DIS3L2: variants seen among roughly 807,000 people sequenced by gnomAD.
DIS3L2 encodes the protein DIS3-like exonuclease 2.
In DIS3L2, 34 loss-of-function variants were observed where a neutral mutation model predicts 97.5. That is an observed-to-expected ratio of 0.35 (90% CI 0.27 to 0.46). The LOEUF is 0.46. Ranked by LOEUF, DIS3L2 falls within the 20% of genes least tolerant of loss-of-function variation. The pLI, the probability that DIS3L2 is intolerant of heterozygous loss-of-function variation, is 1.00. For missense variants in DIS3L2, 1,038 were observed against 1,146.0 expected, an observed-to-expected ratio of 0.91 and a Z score of 1.36; for synonymous variants, 435 against 445.2, an observed-to-expected ratio of 0.98 and a Z score of 0.29.
intron 1 of DIS3L2, among the ~76,000 whole-genome samples, chr2:231,977,742 A>T (rs569863950): frequency 4.9e-4 from 75 of 152,400 alleles, no homozygotes; most frequent in African/African-American, 1.5e-3. Flanking sequence ...TCTCAAAGGA[A>T]TTGAAAGCTG....
chr2:231,971,694 C>T (rs1489353543), intron 1 of DIS3L2, among the ~76,000 whole-genome samples: 5 of 152,002 alleles, frequency 3.3e-5, no homozygotes, highest in Non-Finnish European at 7.4e-5. Flanking sequence ...GATCCGCCTG[C>T]CTTGGCCTCC....
intron 8 of DIS3L2, among the ~76,000 whole-genome samples, chr2:232,155,372 C>T (rs1014274355): frequency 2.0e-5 from 3 of 152,148 alleles, no homozygotes; most frequent in African/African-American, 4.8e-5. Context: ...TAGTGCTCAG[C>T]GCCAGTCTTT....
At chr2:232,338,796 G>A (rs1272643088), downstream of DIS3L2, among the ~76,000 whole-genome samples, 2 of 152,264 alleles carry the variant, frequency 1.3e-5, no homozygotes, top group Non-Finnish European at 2.9e-5. Context: ...AGCCTCTTAT[G>A]TGGCCCCTCG....
chr2:232,246,281 T>C (rs1693245946), intron 11 of DIS3L2, among the ~76,000 whole-genome samples: 1 of 152,212 alleles, frequency 6.6e-6, no homozygotes, highest in Non-Finnish European at 1.5e-5. Flanking sequence ...ATGAGCTGAA[T>C]CTGAAAGGAT....
At chr2:232,093,880 T>C (rs554024258) in intron 6 of DIS3L2, among the ~76,000 whole-genome samples, 1 of 152,288 alleles carries the variant, frequency 6.6e-6, no homozygotes, top group Non-Finnish European at 1.5e-5. Context: ...CTGACCTTTA[T>C]TATTTCTTCT....
chr2:232,063,153 C>T (rs994175901), intron 5 of DIS3L2, among the ~76,000 whole-genome samples: 1 of 152,202 alleles, frequency 6.6e-6, no homozygotes, highest in Admixed American at 6.5e-5. Context: ...CTTGCTCCCA[C>T]CTCCCCATCC....
chr2:232,165,309 C>G (rs1690771123), intron 9 of DIS3L2, among the ~76,000 whole-genome samples: 2 of 152,050 alleles, frequency 1.3e-5, no homozygotes, highest in South Asian at 4.2e-4. Flanking sequence ...GAATATGAGC[C>G]TATATTTTGT....
At chr2:231,970,894 CTA>C (rs1485103718) in intron 1 of DIS3L2, among the ~76,000 whole-genome samples, 2 of 152,114 alleles carry the variant, frequency 1.3e-5, no homozygotes, top group African/African-American at 2.4e-5. Flanking sequence ...CAAAAATACT[CTA>C]TGTCCTTATT....
At chr2:232,332,979 G>A (rs1695789239) in intron 16 of DIS3L2, among the ~76,000 whole-genome samples, 1 of 151,940 alleles carries the variant, frequency 6.6e-6, no homozygotes, top group Admixed American at 6.5e-5. Context: ...CTGGCCAGAT[G>A]GGAGGATGGA....
intron 13 of DIS3L2, among the ~76,000 whole-genome samples, chr2:232,266,319 T>A (rs1014742348): frequency 6.6e-6 from 1 of 152,222 alleles, no homozygotes; most frequent in Non-Finnish European, 1.5e-5. Flanking sequence ...ATTTATCAGT[T>A]AGAGAGCTGA....
intron 8 of DIS3L2, among the ~76,000 whole-genome samples, chr2:232,145,790 A>C (rs1434546830): frequency 6.6e-6 from 1 of 152,146 alleles, no homozygotes; most frequent in Non-Finnish European, 1.5e-5. Flanking sequence ...AATAGGTACA[A>C]AGCATTAATT....
chr2:232,336,652 G>T lies in DIS3L2; in HGVS notation c.*22G>T. 2 of 1,540,246 alleles carry T rather than the reference G, an allele frequency of 1.3e-6. No individual in the cohort carries two copies. The highest frequency in any genetic ancestry group is 1.7e-6 in the Non-Finnish European group (2 of 1,146,624). On this transcript the variant is annotated 3_prime_UTR_variant, in exon 21 of 21. Transcript: ENST00000325385. Reference sequence around the variant, plus strand: ...CTGAGCTCCACCAGCCGCCTGCCCCGCCTGCCCCGCCTGCCTGTCCCGCCA... The same window carrying T: ...CTGAGCTCCACCAGCCGCCTGCCCCTCCTGCCCCGCCTGCCTGTCCCGCCA...
At chr2:232,024,707 G>A (rs1391759677) in intron 4 of DIS3L2, among the ~76,000 whole-genome samples, 1 of 151,642 alleles carries the variant, frequency 6.6e-6, no homozygotes, top group Non-Finnish European at 1.5e-5. Context: ...TGGATCTACT[G>A]CATGAGCTAA....
chr2:232,010,069 C>T (rs1187034495), intron 1 of DIS3L2, among the ~76,000 whole-genome samples: 2 of 152,174 alleles, frequency 1.3e-5, no homozygotes, highest in African/African-American at 4.8e-5. Context: ...GAGCCCCAGG[C>T]TAAAACACCA....
intron 6 of DIS3L2, among the ~76,000 whole-genome samples, chr2:232,093,864 T>C (rs957228887): frequency 6.6e-6 from 1 of 152,196 alleles, no homozygotes; most frequent in Admixed American, 6.5e-5. Flanking sequence ...TTCATTTACT[T>C]CTGCTCTGAC....
At chr2:232,119,712 G>A (rs1173737281) in intron 6 of DIS3L2, among the ~76,000 whole-genome samples, 2 of 152,220 alleles carry the variant, frequency 1.3e-5, no homozygotes, top group East Asian at 3.8e-4. Flanking sequence ...ATGGGAATCA[G>A]TGCAAAGCCC....
chr2:232,265,710 A>G (rs1693837551), intron 13 of DIS3L2, among the ~76,000 whole-genome samples: 1 of 152,274 alleles, frequency 6.6e-6, no homozygotes, highest in African/African-American at 2.4e-5. Flanking sequence ...GATAAGGATA[A>G]GTCTTTAAAA....
At chr2:232,011,418 A>G (rs1280570953) in intron 1 of DIS3L2, among the ~76,000 whole-genome samples, 3 of 151,418 alleles carry the variant, frequency 2.0e-5, no homozygotes, top group African/African-American at 2.4e-5. Flanking sequence ...CAATGGCACA[A>G]TCTCAGCTCA....
At chr2:232,212,404 T>C (rs1457263681) in intron 10 of DIS3L2, among the ~76,000 whole-genome samples, 2 of 152,234 alleles carry the variant, frequency 1.3e-5, no homozygotes, top group Non-Finnish European at 2.9e-5. Flanking sequence ...ATACATCTAC[T>C]ACCTGTTCCT....
Sources: gnomAD v4.1 joint callset for allele counts (sites outside exome capture counted in the v4.1 genomes callset) on GRCh38, gnomAD v4.1.1 for gene constraint, MANE v1.5 for transcripts, NCBI Gene and HGNC (gene_info 2026-07-23, HGNC 2026-07-21) for gene names.